KAZN: variants seen among roughly 807,000 people sequenced by gnomAD.
KAZN encodes kazrin, periplakin interacting protein.
A neutral mutation model predicts 87.4 loss-of-function variants in KAZN; 40 were observed. The observed-to-expected ratio is 0.46, with a 90% CI of 0.36 to 0.60. KAZN has a LOEUF of 0.60. Ranked by LOEUF, KAZN falls within the 20% of genes least tolerant of loss-of-function variation. The pLI, the probability that KAZN is intolerant of heterozygous loss-of-function variation, is 0.00. For synonymous variants in KAZN, 466 were observed against 458.3 expected (o/e 1.02, Z -0.22); for missense variants, 898 against 1,073.9 (o/e 0.84, Z 2.29).
chr1:14,288,806 C>T (rs1653457477), intron 2 of KAZN, among the ~76,000 whole-genome samples: 1 of 152,170 alleles, frequency 6.6e-6, no homozygotes, highest in Admixed American at 6.5e-5. Flanking sequence ...CCTGCTTTCT[C>T]TTGTGGGCAT....
chr1:13,942,330 G>A (rs1423338749), intron 1 of KAZN, among the ~76,000 whole-genome samples: 43 of 151,168 alleles, frequency 2.8e-4, no homozygotes, highest in Admixed American at 2.8e-3. Context: ...CATGAGGTCA[G>A]GAGATCGAGA....
At chr1:14,860,034 C>A (rs1035658528) in intron 1 of KAZN, among the ~76,000 whole-genome samples, 1 of 152,158 alleles carries the variant, frequency 6.6e-6, no homozygotes, top group African/African-American at 2.4e-5. Flanking sequence ...GCAGGAAGGA[C>A]CCCTGCTCCC....
intron 1 of KAZN, among the ~76,000 whole-genome samples, chr1:14,621,674 G>A (rs1454834803): frequency 1.3e-5 from 2 of 152,154 alleles, no homozygotes; most frequent in East Asian, 3.9e-4. Context: ...GAATCATGGG[G>A]GTGGTTTCCC....
chr1:14,914,719 T>G (rs897930398), intron 1 of KAZN, among the ~76,000 whole-genome samples: 1 of 152,186 alleles, frequency 6.6e-6, no homozygotes, highest in African/African-American at 2.4e-5. Flanking sequence ...AGAGAACAGG[T>G]TCTGGAGCCA....
At chr1:14,073,795 A>G (rs894078426) in intron 1 of KAZN, among the ~76,000 whole-genome samples, 18 of 152,188 alleles carry the variant, frequency 1.2e-4, no homozygotes, top group African/African-American at 4.1e-4. Flanking sequence ...TATCCAGTCT[A>G]TCATTGATGG....
rs548657398 is a variant in KAZN, at chr1:14,841,189, G to A, written c.227-119495G>A. ...TCCCAGCACTTTGGGAGGCCAAGGC[G>A]GGTGGATCATGAGGTCAGGAGATCG... On this transcript the variant is annotated intron_variant, in intron 1 of 14. Coordinates refer to ENST00000376030, the MANE Select transcript of KAZN (RefSeq NM_201628.3). Among the ~76,000 whole-genome samples the A allele has an allele frequency of 3.9e-5, 6 of 151,940 alleles. No homozygotes were observed. In the East Asian group the frequency reaches 5.8e-4, roughly 15 times the overall value.
At chr1:14,389,985 CCTA>C (rs1662279034) in intron 2 of KAZN, among the ~76,000 whole-genome samples, 1 of 152,040 alleles carries the variant, frequency 6.6e-6, no homozygotes, top group South Asian at 2.1e-4. Flanking sequence ...AATATACACA[CCTA>C]CTATGTATGC....
chr1:14,389,091 T>C (rs1662200217), intron 2 of KAZN, among the ~76,000 whole-genome samples: 1 of 152,152 alleles, frequency 6.6e-6, no homozygotes, highest in East Asian at 1.9e-4. Flanking sequence ...CAAGTAGGTA[T>C]ATGAAAAGGT....
At chr1:14,171,366 G>A (rs1282154528) in intron 1 of KAZN, among the ~76,000 whole-genome samples, 1 of 152,178 alleles carries the variant, frequency 6.6e-6, no homozygotes, top group Non-Finnish European at 1.5e-5. Context: ...GAACTGCCAA[G>A]CTGTTTTCCA....
At chr1:14,546,878 C>G (rs1262352618) in intron 2 of KAZN, among the ~76,000 whole-genome samples, 1 of 152,116 alleles carries the variant, frequency 6.6e-6, no homozygotes, top group Non-Finnish European at 1.5e-5. Context: ...TAACTGAAGT[C>G]TTACTTCCTG....
At chr1:14,650,144 T>C (rs1480613485) in intron 1 of KAZN, among the ~76,000 whole-genome samples, 2 of 151,656 alleles carry the variant, frequency 1.3e-5, no homozygotes, top group African/African-American at 4.8e-5. Context: ...ACTGTATTTA[T>C]GGGTGTGGGT....
chr1:14,243,290 C>G (rs1400273435), intron 2 of KAZN, among the ~76,000 whole-genome samples: 1 of 152,212 alleles, frequency 6.6e-6, no homozygotes, highest in Non-Finnish European at 1.5e-5. Context: ...GAATCAGGCT[C>G]TCTGATGACT....
intron 1 of KAZN, among the ~76,000 whole-genome samples, chr1:13,921,510 G>A (rs1475713453): frequency 6.6e-6 from 1 of 152,232 alleles, no homozygotes; most frequent in Admixed American, 6.5e-5. Context: ...TAATCCATGA[G>A]CATGCCTTCC....
intron 2 of KAZN, among the ~76,000 whole-genome samples, chr1:15,019,558 T>C (rs1670456379): frequency 6.6e-6 from 1 of 152,108 alleles, no homozygotes; most frequent in Non-Finnish European, 1.5e-5. Flanking sequence ...CAAGCTAATT[T>C]TTGTATTTTT....
At chr1:14,162,836 G>C (rs370373208) in intron 1 of KAZN, among the ~76,000 whole-genome samples, 2 of 152,252 alleles carry the variant, frequency 1.3e-5, no homozygotes, top group South Asian at 4.1e-4. Context: ...GAGCCACCAC[G>C]CTTGGCCGGC....
At chr1:14,928,246 C>T (rs535131935) in intron 1 of KAZN, among the ~76,000 whole-genome samples, 9 of 152,094 alleles carry the variant, frequency 5.9e-5, no homozygotes, top group Admixed American at 2.6e-4. Flanking sequence ...GTCAGGAGAT[C>T]GAGACCATCC....
intron 1 of KAZN, among the ~76,000 whole-genome samples, chr1:14,925,470 A>G (rs1659073511): frequency 6.6e-6 from 1 of 152,178 alleles, no homozygotes; most frequent in African/African-American, 2.4e-5. Context: ...CATGCAACAC[A>G]TCCTTAAAAT....
At chr1:14,903,422 G>C (rs1056167272) in intron 1 of KAZN, among the ~76,000 whole-genome samples, 3 of 152,220 alleles carry the variant, frequency 2.0e-5, no homozygotes, top group Admixed American at 1.3e-4. Context: ...CCTGGCAGCA[G>C]AGCGGGCCAT....
intron 1 of KAZN, among the ~76,000 whole-genome samples, chr1:14,046,848 C>A (rs1342587821): frequency 6.6e-6 from 1 of 152,212 alleles, no homozygotes; most frequent in Non-Finnish European, 1.5e-5. Context: ...GCCCAATTAA[C>A]TCCTGAACAA....
Sources: allele counts gnomAD v4.1 joint callset (sites outside exome capture counted in the v4.1 genomes callset), GRCh38; gene constraint gnomAD v4.1.1; transcripts MANE v1.5; gene names NCBI Gene and HGNC (gene_info 2026-07-23, HGNC 2026-07-21).